PRKCE: variants seen among roughly 807,000 people sequenced by gnomAD.
PRKCE encodes protein kinase C epsilon, also known as protein kinase C epsilon type.
PRKCE carries 16 observed loss-of-function variants against 85.4 expected under a neutral mutation model. The ratio of observed to expected loss-of-function variants is 0.19; its 90% confidence interval spans 0.13 to 0.28. The LOEUF (loss-of-function observed/expected upper bound fraction) is 0.28. PRKCE is among the 10% of genes least tolerant of loss of function. The pLI is 1.00. For missense variants in PRKCE, 573 were observed against 975.2 expected, an observed-to-expected ratio of 0.59 and a Z score of 5.49; for synonymous variants, 388 against 371.5, an observed-to-expected ratio of 1.04 and a Z score of -0.51.
At chr2:46,023,089 C>CAAAA (rs397984467) in intron 10 of PRKCE, among the ~76,000 whole-genome samples, 1 of 71,494 alleles carries the variant, frequency 1.4e-5, no homozygotes, top group Non-Finnish European at 2.5e-5. Context: ...GACTCCGTCT[C>CAAAA]AAAAAAAAAA....
intron 2 of PRKCE, among the ~76,000 whole-genome samples, chr2:45,916,778 T>A (rs1172849927): frequency 1.3e-5 from 2 of 152,176 alleles, no homozygotes; most frequent in East Asian, 1.9e-4. Context: ...GGGTTCTTGA[T>A]CTCACTGACT....
chr2:46,115,122 G>A (rs185297609), intron 11 of PRKCE, among the ~76,000 whole-genome samples: 6 of 152,256 alleles, frequency 3.9e-5, no homozygotes, highest in Admixed American at 2.0e-4. Context: ...TAGCGCAACC[G>A]TCAGTTCTAG....
chr2:45,844,866 GA>G (rs1173385520), intron 2 of PRKCE, among the ~76,000 whole-genome samples: 1 of 152,102 alleles, frequency 6.6e-6, no homozygotes, highest in African/African-American at 2.4e-5. Flanking sequence ...AGAAGCAATT[GA>G]TTTTTTTCTG....
intron 1 of PRKCE, among the ~76,000 whole-genome samples, chr2:45,667,617 G>C (rs1675976471): frequency 6.6e-6 from 1 of 151,962 alleles, no homozygotes; most frequent in Non-Finnish European, 1.5e-5. Flanking sequence ...AAAGGAAAAG[G>C]CCAACACATG....
At chr2:45,707,487 G>A (rs1430963867) in intron 1 of PRKCE, among the ~76,000 whole-genome samples, 1 of 152,204 alleles carries the variant, frequency 6.6e-6, no homozygotes, top group Non-Finnish European at 1.5e-5. Context: ...GACAGATGGG[G>A]GAGAAATGGA....
intron 5 of PRKCE, among the ~76,000 whole-genome samples, chr2:45,984,101 C>T (rs545768491): frequency 5.3e-5 from 8 of 151,958 alleles, no homozygotes; most frequent in Admixed American, 5.2e-4. Flanking sequence ...CCATGCCCGG[C>T]TAATTTTTGT....
At chr2:45,937,812 A>C (rs966773547) in intron 2 of PRKCE, among the ~76,000 whole-genome samples, 11 of 152,184 alleles carry the variant, frequency 7.2e-5, no homozygotes, top group African/African-American at 2.7e-4. Flanking sequence ...GTACTTGATA[A>C]TGATTACATT....
At chr2:45,841,519 A>T (rs1473459261) in intron 1 of PRKCE, among the ~76,000 whole-genome samples, 2 of 152,256 alleles carry the variant, frequency 1.3e-5, no homozygotes, top group African/African-American at 2.4e-5. Flanking sequence ...TGCCTGCTTT[A>T]TTCTAGCCAC....
chr2:45,953,727 G>C (rs1700784277), intron 2 of PRKCE, among the ~76,000 whole-genome samples: 1 of 152,154 alleles, frequency 6.6e-6, no homozygotes. Flanking sequence ...AAAAGTACCA[G>C]TGCCTGGGCT....
At position 45,697,153 on chromosome 2, in the gene PRKCE, T is replaced by C. The variant is rs1354941886; in HGVS notation, c.348+44705T>C. ...CTTAGGAACATGCCTCCAAATAAGA[T>C]GAAATGCTCTAGTGTAGCTGACAGT... On this transcript the variant is annotated intron_variant, in intron 1 of 14. Coordinates refer to ENST00000306156, the MANE Select transcript of PRKCE (RefSeq NM_005400.3). This position sits in a 1 kb window ranked among gnomAD's most constrained non-coding sequence, Gnocchi z 4.2. Among the ~76,000 whole-genome samples, 4 of 152,186 alleles carry C rather than the reference T, an allele frequency of 2.6e-5. No homozygotes were observed. Among genetic ancestry groups the C allele is most frequent in the African/African-American group, 4.8e-5 (2 of 41,444 alleles).
chr2:46,094,454 C>T (rs1398152022), intron 11 of PRKCE, among the ~76,000 whole-genome samples: 8 of 152,168 alleles, frequency 5.3e-5, no homozygotes, highest in African/African-American at 1.9e-4. Flanking sequence ...AAAGAATCTT[C>T]AGATGAGATC....
At chr2:46,152,606 T>C (rs1265460289) in intron 13 of PRKCE, among the ~76,000 whole-genome samples, 1 of 152,030 alleles carries the variant, frequency 6.6e-6, no homozygotes, top group Admixed American at 6.6e-5. Context: ...TGGAGTGCAG[T>C]GGCGTGATCT....
intron 1 of PRKCE, among the ~76,000 whole-genome samples, chr2:45,729,042 C>T (rs1189399135): frequency 2.0e-5 from 3 of 152,144 alleles, no homozygotes; most frequent in Non-Finnish European, 4.4e-5. Flanking sequence ...ACTGCCCCAC[C>T]AGGGATCTTG....
intron 11 of PRKCE, among the ~76,000 whole-genome samples, chr2:46,104,110 TC>T (rs1671489286): frequency 6.6e-6 from 1 of 152,182 alleles, no homozygotes; most frequent in Non-Finnish European, 1.5e-5. Context: ...ATCAGAATCC[TC>T]TGCCAGATTG....
intron 1 of PRKCE, among the ~76,000 whole-genome samples, chr2:45,815,523 C>T (rs985370745): frequency 5.9e-5 from 9 of 152,180 alleles, no homozygotes; most frequent in African/African-American, 1.9e-4. Flanking sequence ...TTTTCTTCCT[C>T]GGTCCCCTCC....
chr2:46,097,519 C>CAAAAAAAAAAAAA (rs66634467), intron 11 of PRKCE, among the ~76,000 whole-genome samples: 14 of 94,112 alleles, frequency 1.5e-4, no homozygotes, highest in Admixed American at 1.9e-4. Context: ...GACTCCGTCT[C>CAAAAAAAAAAAAA]AAAAAAAAAA....
At chr2:45,969,159 G>T (rs138353745) in intron 2 of PRKCE, among the ~76,000 whole-genome samples, 5 of 151,778 alleles carry the variant, frequency 3.3e-5, no homozygotes, top group African/African-American at 1.2e-4. Flanking sequence ...GAATCTTGAA[G>T]CTGCTTCAGA....
At chr2:45,749,095 G>T (rs1459906788) in intron 1 of PRKCE, among the ~76,000 whole-genome samples, 2 of 152,070 alleles carry the variant, frequency 1.3e-5, no homozygotes, top group Non-Finnish European at 2.9e-5. Flanking sequence ...TCACCATATT[G>T]ACCAGGCTGG....
Position 45,691,578 on chromosome 2 carries a change from G to A in PRKCE, c.348+39130G>A, listed in dbSNP as rs1023186825. On this transcript the variant is annotated intron_variant, in intron 1 of 14. Coordinates refer to ENST00000306156, the MANE Select transcript of PRKCE (RefSeq NM_005400.3). The stretch of plus-strand genomic sequence containing the variant: ...TAAAAGGCTTTCAGTTCAGGCATCC[G>A]CTTCGTTGACTTGAAAGTGCATCAG... Among the ~76,000 whole-genome samples, 7 of 152,184 alleles carry A rather than the reference G, an allele frequency of 4.6e-5. No individual in the cohort carries two copies. The South Asian group carries it at 6.2e-4, about 13-fold the overall frequency.
Sources: allele counts gnomAD v4.1 joint callset (sites outside exome capture counted in the v4.1 genomes callset), GRCh38; gene constraint gnomAD v4.1.1; non-coding constraint Gnocchi (gnomAD v3.1); transcripts MANE v1.5; gene names NCBI Gene and HGNC (gene_info 2026-07-23, HGNC 2026-07-21).